The following LMBR1 variants were observed in gnomAD, a reference collection of about 807,000 sequenced individuals.
The protein encoded by LMBR1 is limb region 1 protein homolog.
Under a neutral mutation model 73.9 loss-of-function variants are expected in LMBR1, and 52 were observed. The observed-to-expected ratio is 0.70, with a 90% CI of 0.56 to 0.89. The LOEUF (loss-of-function observed/expected upper bound fraction) is 0.89, where lower values mean the gene tolerates loss of function less well. LMBR1 is among the 40% of genes least tolerant of loss of function. The probability of loss-of-function intolerance (pLI) is 0.00; values close to 1 mark genes in which losing one functional copy is unlikely to be tolerated. For synonymous variants in LMBR1, 215 were observed against 209.4 expected (o/e 1.03, Z -0.23); for missense variants, 539 against 579.8 (o/e 0.93, Z 0.72).
At chr7:156,696,044 A>G (rs1475890544) in intron 15 of LMBR1, among the ~76,000 whole-genome samples, 2 of 152,228 alleles carry the variant, frequency 1.3e-5, no homozygotes, top group Non-Finnish European at 2.9e-5. Context: ...ATGTCATACT[A>G]TATTCAAAAA....
Position 156,680,401 on chromosome 7 carries a change from A to C in LMBR1, c.*3677T>G, listed in dbSNP as rs200865547. The C allele has an allele frequency of 1.5e-5, 2 of 134,416 alleles. No individual in the cohort carries two copies. Among genetic ancestry groups the C allele is most frequent in the Non-Finnish European group, 3.1e-5 (2 of 63,562 alleles). The allele number at this position is 134,416 out of a possible 1,614,324, so 8.3% of individuals were successfully genotyped here. Reference sequence around the variant, plus strand: ...CAGAGAGAGAGAGAGAGAGAGAGAGAGAGTGTGTGTGTGTGTGTGTGTGTA... The same window carrying C: ...CAGAGAGAGAGAGAGAGAGAGAGAGCGAGTGTGTGTGTGTGTGTGTGTGTA... On this transcript the variant is annotated 3_prime_UTR_variant, in exon 17 of 17. Coordinates refer to ENST00000353442, the MANE Select transcript of LMBR1 (RefSeq NM_022458.4).
At chr7:156,817,494 G>C (rs1330046958) in intron 4 of LMBR1, among the ~76,000 whole-genome samples, 1 of 125,458 alleles carries the variant, frequency 8.0e-6, no homozygotes, top group Non-Finnish European at 1.7e-5. Flanking sequence ...AAAAGAGACA[G>C]AGAGAGAGAG....
rs1158303879 is a variant in LMBR1, at chr7:156,724,101, C to T, written c.1225+11G>A. On this transcript the variant is annotated intron_variant, in intron 15 of 16. Transcript: ENST00000353442. ...TGGATCTTTAAGTGAAAATTTCTCA[C>T]TGAAACTTACCCAGTGTTCTCGACA... 1 of 1,603,502 alleles carries T rather than the reference C, an allele frequency of 6.2e-7. No individual in the cohort carries two copies. The highest frequency in any genetic ancestry group is 8.5e-7 in the Non-Finnish European group (1 of 1,174,104).
rs143747200 is a variant in LMBR1 at position 156,818,202 on chromosome 7, T to G, written c.319+8403A>C. Among the ~76,000 whole-genome samples, 673 of 152,350 alleles carry G rather than the reference T, an allele frequency of 4.4e-3. 2 individuals carry two copies. The highest frequency in any genetic ancestry group is 7.1e-3 in the Admixed American group (109 of 15,306). ...CTCTAAAAGTCTGGTTTTTTGGATCTTCTATGGAACTTAAAAATGAATTTT... is the reference window on the plus strand; with the variant it reads ...CTCTAAAAGTCTGGTTTTTTGGATCGTCTATGGAACTTAAAAATGAATTTT... On this transcript the variant is annotated intron_variant, in intron 4 of 16. Coordinates refer to ENST00000353442, the MANE Select transcript of LMBR1 (RefSeq NM_022458.4).
rs115138737 is a variant in LMBR1 at position 156,747,924 on chromosome 7, T to G, written c.757+8469A>C. 150 of 152,298 alleles carry G rather than the reference T, an allele frequency of 9.8e-4. 1 individual carries two copies. Among genetic ancestry groups the G allele is most frequent in the Middle Eastern group, 3.4e-3 (1 of 294 alleles). The allele number at this position is 152,298 out of a possible 1,614,324, so 9.4% of individuals were successfully genotyped here. Reference sequence around the variant, plus strand: ...ATCTCTCTAAGCAAACACTACTTACTGTACACCACAGAGCCAATGCTGATT... The same window carrying G: ...ATCTCTCTAAGCAAACACTACTTACGGTACACCACAGAGCCAATGCTGATT... On this transcript the variant is annotated intron_variant, in intron 9 of 16. Coordinates refer to ENST00000353442, the MANE Select transcript of LMBR1 (RefSeq NM_022458.4).
chr7:156,880,324 C>T (rs1004580371), intron 1 of LMBR1, among the ~76,000 whole-genome samples: 4 of 152,020 alleles, frequency 2.6e-5, no homozygotes, highest in Admixed American at 2.0e-4. Context: ...AAGAATGACA[C>T]ATGGACTTTG....
chr7:156,838,036 C>T (rs1482768138), intron 1 of LMBR1, among the ~76,000 whole-genome samples: 2 of 152,178 alleles, frequency 1.3e-5, no homozygotes, highest in Admixed American at 6.5e-5. Context: ...GATCTGCCCA[C>T]TTGAGCCTCC....
At chr7:156,752,852 G>A (rs902510073) in intron 9 of LMBR1, among the ~76,000 whole-genome samples, 1 of 151,984 alleles carries the variant, frequency 6.6e-6, no homozygotes, top group Non-Finnish European at 1.5e-5. Flanking sequence ...GAAGGCTCGG[G>A]TTTCAGCACA....
At chr7:156,719,953 T>C (rs1814159776) in intron 15 of LMBR1, among the ~76,000 whole-genome samples, 1 of 151,304 alleles carries the variant, frequency 6.6e-6, no homozygotes, top group South Asian at 2.1e-4. Context: ...CAAAAATTAA[T>C]TCAAGATGGA....
chr7:156,773,065 T>C (rs1162223539), intron 5 of LMBR1, among the ~76,000 whole-genome samples: 1 of 150,776 alleles, frequency 6.6e-6, no homozygotes, highest in Admixed American at 6.6e-5. Flanking sequence ...TATAGACCAA[T>C]AACATCCAAG....
At chr7:156,690,267 C>T (rs1563140238) in intron 15 of LMBR1, among the ~76,000 whole-genome samples, 1 of 152,090 alleles carries the variant, frequency 6.6e-6, no homozygotes, top group Admixed American at 6.5e-5. Flanking sequence ...ACAGACAAAA[C>T]AAAGACTTTA....
chr7:156,675,840 G>A, downstream of LMBR1: 3 of 1,613,928 alleles, frequency 1.9e-6, no homozygotes, highest in Non-Finnish European at 2.5e-6. Context: ...CACAGAAGAG[G>A]AATGGGAGAA....
At chr7:156,833,441 T>C (rs968624034) in intron 3 of LMBR1, 10 of 307,512 alleles carry the variant, frequency 3.3e-5, no homozygotes, top group Admixed American at 2.8e-4. Context: ...AAGAGCATCA[T>C]AGTCTTCTCA....
At chr7:156,807,028 A>G (rs889210981) in intron 4 of LMBR1, among the ~76,000 whole-genome samples, 1 of 135,300 alleles carries the variant, frequency 7.4e-6, no homozygotes, top group East Asian at 2.8e-4. Flanking sequence ...TGTTACGACC[A>G]TATGACTTTT....
intron 5 of LMBR1, 142 bp from the exon 6 acceptor site, chr7:156,763,937 C>T (rs1823609345): frequency 1.8e-6 from 1 of 555,436 alleles, no homozygotes; most frequent in Non-Finnish European, 2.9e-6. Context: ...ACACTAGGTA[C>T]TTATGGTTTA....
intron 15 of LMBR1, among the ~76,000 whole-genome samples, chr7:156,692,125 G>T (rs1807332459): frequency 6.6e-6 from 1 of 152,140 alleles, no homozygotes. Context: ...GCCCAGGCTG[G>T]AGTGCAGCAG....
chr7:156,785,979 TA>T (rs2133247630), intron 5 of LMBR1, among the ~76,000 whole-genome samples: 1 of 152,294 alleles, frequency 6.6e-6, no homozygotes, highest in African/African-American at 2.4e-5. Context: ...CTGAATGATT[TA>T]ATTATGCCAG....
intron 9 of LMBR1, among the ~76,000 whole-genome samples, chr7:156,750,235 T>A (rs1820600966): frequency 6.6e-6 from 1 of 152,176 alleles, no homozygotes; most frequent in South Asian, 2.1e-4. Flanking sequence ...GCTGATTATT[T>A]CAATTAATGC....
Position 156,684,113 on chromosome 7 carries a change from T to A in LMBR1, c.1438A>T (p.Lys480Ter). The change falls in exon 17 of 17, where the codon AAG (lysine) becomes TAG (stop). Residue 480 changes from lysine to a stop codon, truncating the protein, a stop_gained. Coordinates refer to ENST00000353442, the MANE Select transcript of LMBR1 (RefSeq NM_022458.4). LOFTEE classifies it high-confidence loss of function. ...PNTSRDSETA[K>*]PSVNGHQKAL ...TTCTGATGCCCATTTACAGAAGGCT[T>A]GGCTGTTTCTGAATCCCTTGAAGTA... 6.2e-7 allele frequency: 1 copy of A among 1,614,122 alleles called. No individual in the cohort carries two copies. Among genetic ancestry groups the A allele is most frequent in the South Asian group, 1.1e-5 (1 of 91,074 alleles).
Sources: allele counts gnomAD v4.1 joint callset (sites outside exome capture counted in the v4.1 genomes callset), GRCh38; gene constraint gnomAD v4.1.1; transcripts MANE v1.5; gene names NCBI Gene and HGNC (gene_info 2026-07-23, HGNC 2026-07-21).